UBTD1: variants seen among roughly 807,000 people sequenced by gnomAD.
UBTD1 encodes ubiquitin domain-containing protein 1.
UBTD1 carries 19 observed loss-of-function variants against 21.7 expected under a neutral mutation model. The ratio of observed to expected loss-of-function variants is 0.87; its 90% confidence interval spans 0.61 to 1.28. UBTD1 has a LOEUF of 1.28. Ranked by LOEUF, UBTD1 falls within the 50% of genes most tolerant of loss-of-function variation. The pLI, the probability that UBTD1 is intolerant of heterozygous loss-of-function variation, is 0.00. For missense variants in UBTD1, 282 were observed against 315.1 expected, an observed-to-expected ratio of 0.89 and a Z score of 0.80; for synonymous variants, 116 against 135.1, an observed-to-expected ratio of 0.86 and a Z score of 0.98.
chr10:97,546,548 A>G (rs1338397345), intron 1 of UBTD1, among the ~76,000 whole-genome samples: 1 of 146,208 alleles, frequency 6.8e-6, no homozygotes, highest in Non-Finnish European at 1.5e-5. Context: ...CTGATCACCC[A>G]CTGCGCTCCA....
intron 1 of UBTD1, among the ~76,000 whole-genome samples, chr10:97,532,216 C>T (rs1460543730): frequency 6.6e-6 from 1 of 152,204 alleles, no homozygotes. Flanking sequence ...CTGGAGCAAA[C>T]CAAGCAGTTG....
chr10:97,546,900 ACT>A (rs144552590), intron 1 of UBTD1, among the ~76,000 whole-genome samples: 73 of 145,938 alleles, frequency 5.0e-4, no homozygotes, highest in South Asian at 8.6e-4. Context: ...TCACACACAC[ACT>A]CTCTCTCTCT....
intron 1 of UBTD1, among the ~76,000 whole-genome samples, chr10:97,555,183 G>A (rs2040658265): frequency 6.6e-6 from 1 of 152,178 alleles, no homozygotes; most frequent in Non-Finnish European, 1.5e-5. Flanking sequence ...TATAATGATT[G>A]TGACTCCTGG....
chr10:97,556,757 A>G (rs1335681898), intron 1 of UBTD1, among the ~76,000 whole-genome samples: 1 of 152,170 alleles, frequency 6.6e-6, no homozygotes, highest in Non-Finnish European at 1.5e-5. Flanking sequence ...AGCTTAGCAT[A>G]AGCTCTGTGT....
rs118060738 is a variant in UBTD1 at position 97,519,686 on chromosome 10, C to T, written c.70+20413C>T. Among the ~76,000 whole-genome samples the T allele has an allele frequency of 1.7e-3, 262 of 152,090 alleles. 1 individual carries two copies. Among genetic ancestry groups the T allele is most frequent in the Non-Finnish European group, 3.2e-3 (219 of 67,984 alleles). Reference sequence around the variant, plus strand: ...AAATATATTGTTTTTTAAATGTAGACAATTAAAGAAAGTGGACTTGGACAA... The same window carrying T: ...AAATATATTGTTTTTTAAATGTAGATAATTAAAGAAAGTGGACTTGGACAA... On this transcript the variant is annotated intron_variant, in intron 1 of 2. Transcript: ENST00000370664.
In UBTD1 at chr10:97,570,293, A is replaced by G. The variant is rs754738542; in HGVS notation, c.454A>G (p.Lys152Glu). The part of the protein sequence containing the change: ...PPSVRREFPL[K>E]VRLSTGKDVR... ...CAGCGTGCGCCGTGAGTTCCCGCTG[A>G]AGGTGCGCCTGTCCACGGGCAAGGA... is the stretch of plus-strand genomic sequence containing the variant. The change falls in exon 3 of 3, where the codon AAG (lysine) becomes GAG (glutamate). Residue 152 changes from lysine (K) to glutamate (E), a missense_variant. By Grantham distance (56) the Lys-to-Glu change is moderately conservative. Coordinates refer to ENST00000370664, the MANE Select transcript of UBTD1 (RefSeq NM_024954.5). This position sits in a 1 kb window ranked among gnomAD's most constrained non-coding sequence, Gnocchi z 6.6. 3 of 1,613,124 alleles carry G rather than the reference A, an allele frequency of 1.9e-6. No homozygotes were observed. The highest frequency in any genetic ancestry group is 2.5e-6 in the Non-Finnish European group (3 of 1,179,982).
intron 1 of UBTD1, among the ~76,000 whole-genome samples, chr10:97,502,232 G>A (rs1008077687): frequency 1.3e-5 from 2 of 151,540 alleles, no homozygotes; most frequent in Non-Finnish European, 2.9e-5. Flanking sequence ...TAGTTCTGTG[G>A]GTCCTACTAT....
intron 1 of UBTD1, among the ~76,000 whole-genome samples, chr10:97,562,458 T>A (rs540962309): frequency 1.3e-5 from 2 of 152,192 alleles, no homozygotes; most frequent in South Asian, 4.2e-4. Flanking sequence ...GTGGTGGAGT[T>A]AGGAGCAATT....
chr10:97,508,605 A>G (rs1397198305), intron 1 of UBTD1, among the ~76,000 whole-genome samples: 1 of 152,122 alleles, frequency 6.6e-6, no homozygotes, highest in Non-Finnish European at 1.5e-5. Context: ...CCCCATGGAA[A>G]GAAGCTGGTA....
intron 1 of UBTD1, among the ~76,000 whole-genome samples, chr10:97,562,335 C>A (rs986757071): frequency 6.6e-6 from 1 of 152,222 alleles, no homozygotes; most frequent in Non-Finnish European, 1.5e-5. Flanking sequence ...ACCAAACAGG[C>A]TTTGTGTGAG....
At chr10:97,522,500 A>T (rs772066958) in intron 1 of UBTD1, among the ~76,000 whole-genome samples, 1 of 152,148 alleles carries the variant, frequency 6.6e-6, no homozygotes, top group Non-Finnish European at 1.5e-5. Context: ...GAATTGGGTG[A>T]CTTGTCTTAC....
chr10:97,523,850 C>T (rs1035510217), intron 1 of UBTD1, among the ~76,000 whole-genome samples: 8 of 152,002 alleles, frequency 5.3e-5, no homozygotes. Context: ...TGCTGAAGAC[C>T]CGACGTCCCT....
chr10:97,530,592 A>C (rs34642355), intron 1 of UBTD1, among the ~76,000 whole-genome samples: 33,239 of 152,114 alleles, frequency 0.22, 4,006 homozygotes, highest in Non-Finnish European at 0.27. Flanking sequence ...ATTTCTAAGG[A>C]TAGAACCTAG....
intron 1 of UBTD1, among the ~76,000 whole-genome samples, chr10:97,521,854 T>C (rs760837808): frequency 6.6e-6 from 1 of 152,208 alleles, no homozygotes; most frequent in Admixed American, 6.5e-5. Flanking sequence ...TGCACCTGTT[T>C]TGTGCTGCTG....
intron 1 of UBTD1, among the ~76,000 whole-genome samples, chr10:97,534,527 ACAC>A (rs2040550144): frequency 6.6e-6 from 1 of 151,640 alleles, no homozygotes; most frequent in Non-Finnish European, 1.5e-5. Context: ...ATTTTCTACC[ACAC>A]CACATTCAAG....
intron 1 of UBTD1, among the ~76,000 whole-genome samples, chr10:97,506,709 C>G (rs1442242637): frequency 6.6e-6 from 1 of 152,180 alleles, no homozygotes; most frequent in Non-Finnish European, 1.5e-5. Context: ...TCTGCTTTCT[C>G]TTTTATGAGT....
At chr10:97,506,662 C>T (rs2040400926) in intron 1 of UBTD1, among the ~76,000 whole-genome samples, 1 of 152,174 alleles carries the variant, frequency 6.6e-6, no homozygotes. Flanking sequence ...TAAGCACTAT[C>T]CATTTCTTCA....
At chr10:97,510,056 G>A (rs899253525) in intron 1 of UBTD1, among the ~76,000 whole-genome samples, 1 of 151,888 alleles carries the variant, frequency 6.6e-6, no homozygotes. Flanking sequence ...TCTGCCTCCT[G>A]GGTTCAAGTG....
intron 1 of UBTD1, among the ~76,000 whole-genome samples, chr10:97,540,217 A>G (rs2040581360): frequency 6.6e-6 from 1 of 152,226 alleles, no homozygotes; most frequent in African/African-American, 2.4e-5. Context: ...AGGAACTTCA[A>G]ATAACTCAGC....
Sources: allele counts gnomAD v4.1 joint callset (sites outside exome capture counted in the v4.1 genomes callset), GRCh38; gene constraint gnomAD v4.1.1; non-coding constraint Gnocchi (gnomAD v3.1); transcripts MANE v1.5; gene names NCBI Gene and HGNC (gene_info 2026-07-23, HGNC 2026-07-21).